Variants in ERC1 observed in about 807,000 individuals in gnomAD.
The protein encoded by ERC1 is RAB6 interacting protein 2.
In ERC1, 56 loss-of-function variants were observed where a neutral mutation model predicts 132.0. That is an observed-to-expected ratio of 0.42 (90% confidence interval 0.34 to 0.53). The LOEUF (loss-of-function observed/expected upper bound fraction) is 0.53, where lower values mean the gene tolerates loss of function less well. Ranked by LOEUF, ERC1 falls within the 20% of genes least tolerant of loss-of-function variation. The pLI is 0.03. For synonymous variants in ERC1, 478 were observed against 476.1 expected, an observed-to-expected ratio of 1.00 and a Z score of -0.05; for missense variants, 1,202 against 1,349.9, an observed-to-expected ratio of 0.89 and a Z score of 1.72.
At chr12:1,423,384 C>G (rs767452231) in intron 17 of ERC1, among the ~76,000 whole-genome samples, 2 of 152,166 alleles carry the variant, frequency 1.3e-5, no homozygotes. Flanking sequence ...AAAATTTTAA[C>G]GTGCCTTTGT....
At chr12:1,061,931 C>G (rs181742870) in intron 2 of ERC1, among the ~76,000 whole-genome samples, 206 of 148,816 alleles carry the variant, frequency 1.4e-3, no homozygotes, top group African/African-American at 4.8e-3. Flanking sequence ...CCTCTTTGTA[C>G]TGCTTTTGCT....
chr12:1,031,922 C>T (rs1180305278), intron 2 of ERC1, among the ~76,000 whole-genome samples: 1 of 152,180 alleles, frequency 6.6e-6, no homozygotes, highest in African/African-American at 2.4e-5. Context: ...GGCCTCCCTT[C>T]ATACCAGCTA....
intron 15 of ERC1, among the ~76,000 whole-genome samples, chr12:1,297,160 G>C (rs756848288): frequency 3.6e-4 from 53 of 149,104 alleles, no homozygotes; most frequent in Non-Finnish European, 6.2e-4. Context: ...ATCAGAAACA[G>C]TGAGGACCTG....
intron 2 of ERC1, among the ~76,000 whole-genome samples, chr12:1,065,480 T>TTGTGTG (rs71293132): frequency 0.13 from 15,630 of 124,664 alleles, 970 homozygotes; most frequent in Admixed American, 0.18. Flanking sequence ...TTTGTACCGT[T>TTGTGTG]TGTGTGTGTG....
At chr12:1,095,720 A>G (rs911450192) in intron 3 of ERC1, among the ~76,000 whole-genome samples, 7 of 152,140 alleles carry the variant, frequency 4.6e-5, no homozygotes, top group East Asian at 1.9e-4. Flanking sequence ...TCTATTGACA[A>G]TGCGGGAGGC....
At chr12:1,424,903 T>C (rs1226924686) in intron 17 of ERC1, among the ~76,000 whole-genome samples, 1 of 150,494 alleles carries the variant, frequency 6.6e-6, no homozygotes, top group Non-Finnish European at 1.5e-5. Flanking sequence ...GATAGATAGA[T>C]AGATAGATAA....
At chr12:1,316,500 A>G (rs931987550) in intron 15 of ERC1, among the ~76,000 whole-genome samples, 2 of 152,168 alleles carry the variant, frequency 1.3e-5, no homozygotes, top group African/African-American at 4.8e-5. Context: ...CCAATGACAT[A>G]CTCATATGAA....
At chr12:1,392,137 T>C (rs568283747) in intron 16 of ERC1, among the ~76,000 whole-genome samples, 2 of 151,938 alleles carry the variant, frequency 1.3e-5, no homozygotes, top group East Asian at 1.9e-4. Context: ...CAAGGACCAA[T>C]GGAGATGTGT....
intron 18 of ERC1, among the ~76,000 whole-genome samples, chr12:1,484,120 A>G (rs1414002936): frequency 6.6e-6 from 1 of 151,652 alleles, no homozygotes; most frequent in Non-Finnish European, 1.5e-5. Flanking sequence ...CCTGGCTAAC[A>G]TGGTGAAACC....
chr12:1,449,059 C>T (rs1454735083), intron 18 of ERC1, among the ~76,000 whole-genome samples: 2 of 152,224 alleles, frequency 1.3e-5, no homozygotes, highest in African/African-American at 4.8e-5. Flanking sequence ...GGTTTAATGA[C>T]TGCCCTATTG....
At chr12:1,049,828 C>T (rs1393476215) in intron 2 of ERC1, among the ~76,000 whole-genome samples, 5 of 148,146 alleles carry the variant, frequency 3.4e-5, no homozygotes, top group African/African-American at 1.2e-4. Context: ...TCTCAGCTCA[C>T]TGCAACCTCC....
At position 1,249,925 on chromosome 12, in the gene ERC1, A is replaced by G. The variant is rs574745644; in HGVS notation, c.2487+13021A>G. Among the ~76,000 whole-genome samples, 8 of 152,306 alleles carry G rather than the reference A, an allele frequency of 5.3e-5. No homozygotes were observed. The East Asian group carries it at 1.5e-3, about 29-fold the overall frequency. On this transcript the variant is annotated intron_variant, in intron 13 of 18. Coordinates refer to ENST00000360905, the MANE Select transcript of ERC1 (RefSeq NM_178040.4). ...TTTATAAGGGCATTTAATGCCATTC[A>G]TGAGGGCTCTGCTCTCATGACCTAA...
At position 1,028,406 on chromosome 12, in the gene ERC1, T is replaced by C. The variant is rs1967274191; in HGVS notation, c.503T>C (p.Leu168Ser). ...LKEVLRENDL[L>S]RKDVEVKESK... is the part of the protein sequence containing the mutation. ...GAAGTATTAAGAGAAAATGATCTCT[T>C]GCGGAAGGATGTGGAAGTAAAGGAG... is the stretch of plus-strand genomic sequence containing the variant. The change falls in exon 2 of 19, where the codon TTG becomes TCG. Residue 168 changes from leucine (L) to serine (S), a missense_variant. By Grantham distance (145) the Leu-to-Ser change is moderately radical. Transcript: ENST00000360905. 1.2e-6 allele frequency: 2 copies of C among 1,613,996 alleles called. No homozygotes were observed. Among genetic ancestry groups the C allele is most frequent in the Non-Finnish European group, 1.7e-6 (2 of 1,180,012 alleles).
chr12:1,299,045 A>C (rs1381823527), intron 15 of ERC1, among the ~76,000 whole-genome samples: 2 of 152,200 alleles, frequency 1.3e-5, no homozygotes, highest in African/African-American at 4.8e-5. Context: ...CGACAGAACT[A>C]AAGGTAAAAC....
chr12:1,227,412 C>A (rs2074671479), intron 12 of ERC1, among the ~76,000 whole-genome samples: 1 of 152,144 alleles, frequency 6.6e-6, no homozygotes, highest in Non-Finnish European at 1.5e-5. Context: ...TATCCTTTGG[C>A]CTGTTGAGCA....
rs148377614 is a variant in ERC1, at chr12:1,353,938, A to C, written c.2781-17895A>C. ...GTTTTATCTCTTCTTATTTCTGGAA[A>C]CTTTCTTTATCTTTGGCTTCCAGGG... On this transcript the variant is annotated intron_variant, in intron 15 of 18. Coordinates refer to ENST00000360905, the MANE Select transcript of ERC1 (RefSeq NM_178040.4). 5.3e-3 allele frequency among the ~76,000 whole-genome samples: 808 copies of C among 151,934 alleles called. 6 individuals are homozygous for C. Among genetic ancestry groups the C allele is most frequent in the African/African-American group, 0.018 (763 of 41,422 alleles).
intron 3 of ERC1, among the ~76,000 whole-genome samples, chr12:1,097,962 G>A (rs1464145601): frequency 2.0e-5 from 3 of 152,096 alleles, no homozygotes; most frequent in Admixed American, 6.5e-5. Context: ...TGATCTGCCC[G>A]CCTTGGCCTC....
intron 15 of ERC1, among the ~76,000 whole-genome samples, chr12:1,304,296 C>A (rs1215004469): frequency 6.6e-6 from 1 of 152,180 alleles, no homozygotes. Context: ...GTGATGCCAT[C>A]CTTTTGAGTG....
intron 18 of ERC1, among the ~76,000 whole-genome samples, chr12:1,488,368 T>TTA (rs1360746637): frequency 6.6e-6 from 1 of 151,966 alleles, no homozygotes; most frequent in Non-Finnish European, 1.5e-5. Context: ...TGTCAAGCAC[T>TTA]TTATATGACT....
Sources: gnomAD v4.1 joint callset for allele counts (sites outside exome capture counted in the v4.1 genomes callset) on GRCh38, gnomAD v4.1.1 for gene constraint, MANE v1.5 for transcripts, NCBI Gene and HGNC (gene_info 2026-07-23, HGNC 2026-07-21) for gene names.